The following RBFOX1 variants were observed in gnomAD, a reference collection of about 807,000 sequenced individuals.
RBFOX1 encodes the protein RNA binding protein fox-1 homolog 1.
Under a neutral mutation model 57.7 loss-of-function variants are expected in RBFOX1, and 8 were observed. The observed-to-expected ratio is 0.14, with a 90% confidence interval of 0.08 to 0.25. The LOEUF is 0.25. RBFOX1 is among the 10% of genes least tolerant of loss of function. The pLI is 1.00. For synonymous variants in RBFOX1, 326 were observed against 222.4 expected, an observed-to-expected ratio of 1.47 and a Z score of -4.15; for missense variants, 611 against 548.5, an observed-to-expected ratio of 1.11 and a Z score of -1.14.
chr16:6,565,187 C>T (rs897395133), intron 2 of RBFOX1, among the ~76,000 whole-genome samples: 1 of 148,618 alleles, frequency 6.7e-6, no homozygotes, highest in Admixed American at 6.7e-5. Context: ...TAACAAAATA[C>T]TACTCATTGT....
At position 5,297,531 on chromosome 16, in the gene RBFOX1, G is replaced by A. The variant is rs144737177; in HGVS notation, c.219+57426G>A. Among the ~76,000 whole-genome samples, 68 of 152,184 alleles carry A rather than the reference G, an allele frequency of 4.5e-4. 1 individual carries two copies. The East Asian group carries it at 0.012, about 26-fold the overall frequency. On this transcript the variant is annotated intron_variant, in intron 1 of 2. Coordinates refer to the RBFOX1 transcript ENST00000585867. ...TTTTTTATATACCGGTGGGTCATTT[G>A]TATGTCTTCTTTTGAGAAATGTCTA...
At chr16:6,767,872 C>A (rs891680772) in intron 3 of RBFOX1, among the ~76,000 whole-genome samples, 1 of 149,788 alleles carries the variant, frequency 6.7e-6, no homozygotes, top group African/African-American at 2.5e-5. Flanking sequence ...CGAGATCGCG[C>A]CATTGCACTC....
At chr16:6,142,464 G>A (rs922686541) in intron 1 of RBFOX1, among the ~76,000 whole-genome samples, 12 of 151,904 alleles carry the variant, frequency 7.9e-5, no homozygotes, top group East Asian at 5.9e-4. Context: ...CTTGTGATTC[G>A]CCCGCCTCGG....
chr16:6,642,906 G>C (rs2098504106), intron 2 of RBFOX1, among the ~76,000 whole-genome samples: 1 of 152,140 alleles, frequency 6.6e-6, no homozygotes, highest in South Asian at 2.1e-4. Context: ...GAAGTGATTT[G>C]TGTTGAGATT....
intron 4 of RBFOX1, among the ~76,000 whole-genome samples, chr16:7,441,841 C>T (rs886953138): frequency 2.2e-4 from 34 of 152,148 alleles, no homozygotes; most frequent in Admixed American, 2.1e-3. Flanking sequence ...GCCTGCTTCA[C>T]GATCCACTGG....
intron 2 of RBFOX1, among the ~76,000 whole-genome samples, chr16:6,412,883 CTT>C (rs2093505246): frequency 6.6e-6 from 1 of 152,146 alleles, no homozygotes; most frequent in Admixed American, 6.5e-5. Flanking sequence ...TTGAGTCTCT[CTT>C]TGGATGGTTT....
At chr16:5,990,248 C>G (rs1032351693) in intron 4 of RBFOX1, among the ~76,000 whole-genome samples, 1 of 151,718 alleles carries the variant, frequency 6.6e-6, no homozygotes, top group Non-Finnish European at 1.5e-5. Context: ...ACTTTGGCCT[C>G]CCAAATTGCT....
intron 5 of RBFOX1, among the ~76,000 whole-genome samples, chr16:7,519,328 G>A (rs189083116): frequency 6.6e-6 from 1 of 152,242 alleles, no homozygotes; most frequent in East Asian, 1.9e-4. Context: ...GGACCAAAGG[G>A]CAGGGGCTAG....
At chr16:6,410,414 C>G (rs894190600) in intron 2 of RBFOX1, among the ~76,000 whole-genome samples, 3 of 149,324 alleles carry the variant, frequency 2.0e-5, no homozygotes, top group Non-Finnish European at 4.4e-5. Context: ...TGGGTTCAGG[C>G]CATTCTCCTG....
At chr16:6,512,447 T>G (rs1348588388) in intron 2 of RBFOX1, among the ~76,000 whole-genome samples, 1 of 152,172 alleles carries the variant, frequency 6.6e-6, no homozygotes, top group Non-Finnish European at 1.5e-5. Flanking sequence ...ATGTTTTTCT[T>G]GGATAGGTCA....
chr16:5,898,348 A>G (rs1478045413), intron 4 of RBFOX1, among the ~76,000 whole-genome samples: 2 of 151,968 alleles, frequency 1.3e-5, no homozygotes, highest in African/African-American at 4.8e-5. Flanking sequence ...ATAGAGCAAG[A>G]TCTTAACTCT....
rs372401313 is a variant in RBFOX1, at chr16:7,705,864, C to T, written c.996-3192C>T. Among the ~76,000 whole-genome samples, 13 of 152,158 alleles carry T rather than the reference C, an allele frequency of 8.5e-5. No individual in the cohort carries two copies. In the South Asian group the frequency reaches 1.2e-3, roughly 15 times the overall value. ...AAGTGGACACATTGAAGATTTCTTC[C>T]GAAATTACTGATGGATGGGAAGTGG... On this transcript the variant is annotated intron_variant, in intron 14 of 15. Transcript: ENST00000550418.
chr16:5,779,191 T>C (rs1050787064), intron 3 of RBFOX1, among the ~76,000 whole-genome samples: 2 of 152,206 alleles, frequency 1.3e-5, no homozygotes, highest in African/African-American at 4.8e-5. Context: ...TCAGCTTTCC[T>C]TCCCCCCTCA....
intron 6 of RBFOX1, among the ~76,000 whole-genome samples, chr16:7,586,316 T>G (rs898324905): frequency 3.9e-5 from 6 of 152,082 alleles, no homozygotes; most frequent in African/African-American, 9.7e-5. Flanking sequence ...AATTCCAAGG[T>G]TGGGGGAAAG....
At chr16:6,853,534 A>T (rs1254794702) in intron 3 of RBFOX1, among the ~76,000 whole-genome samples, 1 of 152,088 alleles carries the variant, frequency 6.6e-6, no homozygotes, top group African/African-American at 2.4e-5. Flanking sequence ...ACAGTGGTAG[A>T]TGCTTTCAGA....
At chr16:5,828,531 C>G (rs2056155121) in intron 3 of RBFOX1, among the ~76,000 whole-genome samples, 1 of 152,076 alleles carries the variant, frequency 6.6e-6, no homozygotes. Context: ...AACCCCATCT[C>G]TACTAAAAAT....
chr16:5,403,516 T>G (rs1294144561), intron 1 of RBFOX1, among the ~76,000 whole-genome samples: 1 of 152,168 alleles, frequency 6.6e-6, no homozygotes, highest in Non-Finnish European at 1.5e-5. Flanking sequence ...CAATCTTGGC[T>G]CACCGCAACC....
chr16:5,393,542 C>G (rs545432645), intron 1 of RBFOX1, among the ~76,000 whole-genome samples: 10 of 152,308 alleles, frequency 6.6e-5, no homozygotes, highest in African/African-American at 2.4e-4. Flanking sequence ...ATGGGTCTTT[C>G]TGAGGATTTT....
chr16:6,443,831 C>T (rs552589032), intron 2 of RBFOX1, among the ~76,000 whole-genome samples: 1 of 152,194 alleles, frequency 6.6e-6, no homozygotes, highest in African/African-American at 2.4e-5. Flanking sequence ...TCTAGCTATC[C>T]ATTCATCCAT....
Sources: gnomAD v4.1 joint callset for allele counts (sites outside exome capture counted in the v4.1 genomes callset) on GRCh38, gnomAD v4.1.1 for gene constraint, MANE v1.5 for transcripts, NCBI Gene and HGNC (gene_info 2026-07-23, HGNC 2026-07-21) for gene names.